The following CDH4 variants were observed in gnomAD, a reference collection of about 807,000 sequenced individuals.
The protein encoded by CDH4 is cadherin-4.
Under a neutral mutation model 86.0 loss-of-function variants are expected in CDH4, and 33 were observed. That is an observed-to-expected ratio of 0.38 (90% CI 0.29 to 0.51). The LOEUF (loss-of-function observed/expected upper bound fraction) is 0.51, where lower values mean the gene tolerates loss of function less well. Among genes scored for constraint, CDH4 ranks in the 20% least tolerant of loss-of-function variants. The probability of loss-of-function intolerance (pLI) is 0.86; values close to 1 mark genes in which losing one functional copy is unlikely to be tolerated. For missense variants in CDH4, 1,114 were observed against 1,307.4 expected, an observed-to-expected ratio of 0.85 and a Z score of 2.28; for synonymous variants, 555 against 549.4, an observed-to-expected ratio of 1.01 and a Z score of -0.14.
intron 2 of CDH4, among the ~76,000 whole-genome samples, chr20:61,426,048 G>C (rs1383104060): frequency 6.6e-6 from 1 of 152,204 alleles, no homozygotes; most frequent in East Asian, 1.9e-4. Flanking sequence ...GTGAGACCAC[G>C]GGGAGATTTG....
At chr20:61,718,685 A>C (rs963138450) in intron 2 of CDH4, 12 of 413,130 alleles carry the variant, frequency 2.9e-5, no homozygotes, top group Non-Finnish European at 6.1e-5. Context: ...AGGAGCCTGC[A>C]TGACACTGTG....
Position 61,480,312 on chromosome 20 carries a change from C to G in CDH4, c.169+225375C>G, listed in dbSNP as rs574159579. Reference sequence around the variant, plus strand: ...AGCTGTGGCGCCCCCTGGCTGTGTCCTCTGCTTGGGCCACTGCCCTGTGCC... The same window carrying G: ...AGCTGTGGCGCCCCCTGGCTGTGTCGTCTGCTTGGGCCACTGCCCTGTGCC... On this transcript the variant is annotated intron_variant, in intron 2 of 15. Transcript: ENST00000614565. The surrounding 1 kb of genome is among the most constrained non-coding windows in gnomAD (Gnocchi z 5.2). Among the ~76,000 whole-genome samples, 14 of 152,316 alleles carry G rather than the reference C, an allele frequency of 9.2e-5. No homozygotes were observed. The East Asian group carries it at 2.5e-3, about 27-fold the overall frequency.
At position 61,936,913 on chromosome 20, in the gene CDH4, G is replaced by A. The variant is rs374087046; in HGVS notation, c.2721G>A (p.Ala907=). The A allele has an allele frequency of 2.3e-5, 36 of 1,596,754 alleles. No homozygotes were observed. The highest frequency in any genetic ancestry group is 5.6e-5 in the South Asian group (5 of 88,666). ...GGGGGCCCAGATTCAAGAAGCTGGC[G>A]GACATGTATGGAGGTGGTGAAGAGG... ...NDWGPRFKKL[A]DMYGGGEED The change falls in exon 16 of 16, where the codon GCG becomes GCA. Residue 907 remains alanine (A), a synonymous_variant. Coordinates refer to ENST00000614565, the MANE Select transcript of CDH4 (RefSeq NM_001794.5).
rs539518377 is a variant in CDH4, at chr20:61,821,705, C to T, written c.577-22963C>T. Among the ~76,000 whole-genome samples, 6 of 152,360 alleles carry T rather than the reference C, an allele frequency of 3.9e-5. No individual in the cohort carries two copies. In the South Asian group the frequency reaches 1.2e-3, roughly 32 times the overall value. The stretch of plus-strand genomic sequence containing the variant: ...CCTGAAAGACCCTTGGGGGGGTCTA[C>T]TTTGGATCTACAGGAAGGTTTTCCT... On this transcript the variant is annotated intron_variant, in intron 4 of 15. Coordinates refer to ENST00000614565, the MANE Select transcript of CDH4 (RefSeq NM_001794.5).
intron 2 of CDH4, among the ~76,000 whole-genome samples, chr20:61,729,932 A>T (rs1176769478): frequency 6.6e-6 from 1 of 152,126 alleles, no homozygotes; most frequent in African/African-American, 2.4e-5. Context: ...CCGGAGACAG[A>T]GTGTTTTGTT....
At chr20:61,602,536 C>T (rs1034803118) in intron 2 of CDH4, among the ~76,000 whole-genome samples, 3 of 152,124 alleles carry the variant, frequency 2.0e-5, no homozygotes, top group African/African-American at 7.2e-5. Context: ...ACACAGCCTA[C>T]ACTTCTGAAT....
intron 11 of CDH4, among the ~76,000 whole-genome samples, chr20:61,925,564 G>A (rs865885687): frequency 9.2e-5 from 14 of 152,340 alleles, no homozygotes; most frequent in Middle Eastern, 3.4e-3. Context: ...AGTACCGGCC[G>A]AGTGCCTGCC....
chr20:61,661,063 C>T (rs1443272335), intron 2 of CDH4, among the ~76,000 whole-genome samples: 5 of 96,790 alleles, frequency 5.2e-5, no homozygotes, highest in Non-Finnish European at 1.1e-4. Flanking sequence ...TGGAGGGAGG[C>T]GGCATGGACA....
In CDH4 at chr20:61,709,518, C is replaced by A. The variant is rs556843247; in HGVS notation, c.170-34045C>A. 6.6e-6 allele frequency among the ~76,000 whole-genome samples: 1 copy of A among 152,194 alleles called. No homozygotes were observed. The highest frequency in any genetic ancestry group is 6.5e-5 in the Admixed American group (1 of 15,292). On this transcript the variant is annotated intron_variant, in intron 2 of 15. Coordinates refer to ENST00000614565, the MANE Select transcript of CDH4 (RefSeq NM_001794.5). This position sits in a 1 kb window ranked among gnomAD's most constrained non-coding sequence, Gnocchi z 4.8. ...CTCGAACCCCTGGCCTCAAGTCATC[C>A]GACTGCCTTAGCCTCCCAAAATGCT...
At chr20:61,374,323 G>A (rs2084855241) in intron 2 of CDH4, among the ~76,000 whole-genome samples, 1 of 152,174 alleles carries the variant, frequency 6.6e-6, no homozygotes, top group Admixed American at 6.5e-5. Context: ...GGTGATGACT[G>A]GAGGAAAGGT....
chr20:61,586,994 C>T (rs2145727182), intron 2 of CDH4, among the ~76,000 whole-genome samples: 3 of 152,336 alleles, frequency 2.0e-5, no homozygotes, highest in Admixed American at 2.0e-4. Flanking sequence ...GCTGCTCTCC[C>T]AGCAGCCCCT....
At chr20:61,383,610 A>ATG (rs370843018) in intron 2 of CDH4, among the ~76,000 whole-genome samples, 2 of 15,272 alleles carry the variant, frequency 1.3e-4, no homozygotes, top group Non-Finnish European at 4.2e-4. Context: ...TATATGATAT[A>ATG]TATGAATATA....
intron 8 of CDH4, 102 bp downstream of exon 8, chr20:61,895,149 G>T (rs1411692308): frequency 1.4e-6 from 2 of 1,383,334 alleles, no homozygotes; most frequent in Non-Finnish European, 2.0e-6. Context: ...TGCCTGACGG[G>T]CACTTGGCAG....
At chr20:61,819,570 C>T (rs1006001601) in intron 4 of CDH4, among the ~76,000 whole-genome samples, 1 of 152,194 alleles carries the variant, frequency 6.6e-6, no homozygotes, top group Non-Finnish European at 1.5e-5. Flanking sequence ...AGCACTGCAC[C>T]CCCAGCACTG....
chr20:61,673,586 CGT>C (rs2087413904), intron 2 of CDH4, among the ~76,000 whole-genome samples: 1 of 152,198 alleles, frequency 6.6e-6, no homozygotes, highest in Admixed American at 6.5e-5. Flanking sequence ...CTCAAGAACA[CGT>C]GTCCAGGGCC....
chr20:61,578,600 C>T (rs1285721945), intron 2 of CDH4, among the ~76,000 whole-genome samples: 2 of 152,170 alleles, frequency 1.3e-5, no homozygotes, highest in Non-Finnish European at 2.9e-5. Flanking sequence ...TGGAGCTACT[C>T]ACAGAGCCGA....
chr20:61,930,972 C>T (rs1035306463), intron 13 of CDH4, among the ~76,000 whole-genome samples: 1 of 152,008 alleles, frequency 6.6e-6, no homozygotes, highest in African/African-American at 2.4e-5. Context: ...GGGCCACTCT[C>T]GAGGGCAGCC....
intron 2 of CDH4, among the ~76,000 whole-genome samples, chr20:61,485,455 G>T (rs530826706): frequency 7.6e-4 from 116 of 152,324 alleles, no homozygotes; most frequent in Non-Finnish European, 1.4e-3. Flanking sequence ...CATTCACTCT[G>T]CCAGGGTGGT....
chr20:61,429,142 C>T (rs187230021), intron 2 of CDH4, among the ~76,000 whole-genome samples: 74 of 151,862 alleles, frequency 4.9e-4, no homozygotes, highest in African/African-American at 1.6e-3. Context: ...TAAATGCTCA[C>T]TTTTCTCAGA....
Sources: allele counts gnomAD v4.1 joint callset (sites outside exome capture counted in the v4.1 genomes callset), GRCh38; gene constraint gnomAD v4.1.1; non-coding constraint Gnocchi (gnomAD v3.1); transcripts MANE v1.5; gene names NCBI Gene and HGNC (gene_info 2026-07-23, HGNC 2026-07-21).